PIP4K2A: variants seen among roughly 807,000 people sequenced by gnomAD.
The protein encoded by PIP4K2A is phosphatidylinositol-5-phosphate 4-kinase type 2 alpha.
PIP4K2A carries 14 observed loss-of-function variants against 42.9 expected under a neutral mutation model. The ratio of observed to expected loss-of-function variants is 0.33; its 90% CI spans 0.22 to 0.51. PIP4K2A has a LOEUF of 0.51. Among genes scored for constraint, PIP4K2A ranks in the 20% least tolerant of loss-of-function variants. The pLI is 0.97. For missense variants in PIP4K2A, 434 were observed against 519.8 expected (o/e 0.83, Z 1.61); for synonymous variants, 192 against 192.2 (o/e 1.00, Z 0.01).
chr10:22,573,451 C>T lies in PIP4K2A; in HGVS notation c.499G>A (p.Val167Met). Residue 167 changes from valine to methionine, a missense_variant, in exon 5 of 10, where the codon GTG becomes ATG. This residue lies in a region of PIP4K2A where 395 missense variants were observed against 444.5 expected (regional missense o/e 0.89). Transcript: ENST00000376573. ...NILKKYHQYI[V>M]ECHGITLLPQ... Reference sequence around the variant, plus strand: ...AGAAGGGTGATCCCATGACATTCCACTATGTACTGCATAGGAGAGAAAGAA... The same window carrying T: ...AGAAGGGTGATCCCATGACATTCCATTATGTACTGCATAGGAGAGAAAGAA... 6.2e-7 allele frequency: 1 copy of T among 1,613,278 alleles called. No homozygotes were observed. Among genetic ancestry groups the T allele is most frequent in the Non-Finnish European group, 8.5e-7 (1 of 1,179,632 alleles).
intron 6 of PIP4K2A, among the ~76,000 whole-genome samples, chr10:22,565,616 A>C (rs1836827589): frequency 6.6e-6 from 1 of 152,216 alleles, no homozygotes; most frequent in South Asian, 2.1e-4. Flanking sequence ...TGTTTGAACA[A>C]ATACGAAATC....
chr10:22,612,802 C>T (rs1046552787), intron 1 of PIP4K2A, among the ~76,000 whole-genome samples: 2 of 152,158 alleles, frequency 1.3e-5, no homozygotes, highest in Non-Finnish European at 2.9e-5. Context: ...ACTTCATGCG[C>T]TCTTGGGACA....
rs184163925 is a variant in PIP4K2A, at chr10:22,670,709, C to A, written c.144+43474G>T. On this transcript the variant is annotated intron_variant, in intron 1 of 9. Transcript: ENST00000376573. ...CATAGTATTCAAAAACAGTTCACCACACACCCTAGAAATATTTAAAAATAC... is the reference window on the plus strand; with the variant it reads ...CATAGTATTCAAAAACAGTTCACCAAACACCCTAGAAATATTTAAAAATAC... Among the ~76,000 whole-genome samples the A allele has an allele frequency of 1.3e-3, 193 of 152,320 alleles. 1 individual carries two copies. Among genetic ancestry groups the A allele is most frequent in the African/African-American group, 4.5e-3 (185 of 41,572 alleles).
intron 6 of PIP4K2A, among the ~76,000 whole-genome samples, chr10:22,554,741 CT>C (rs1318436410): frequency 6.6e-6 from 1 of 152,244 alleles, no homozygotes; most frequent in African/African-American, 2.4e-5. Context: ...GGGACGATTG[CT>C]GTACGACCCT....
At chr10:22,614,681 T>C (rs1838136459) in intron 1 of PIP4K2A, among the ~76,000 whole-genome samples, 1 of 152,232 alleles carries the variant, frequency 6.6e-6, no homozygotes, top group African/African-American at 2.4e-5. Flanking sequence ...CAACACATTT[T>C]ATTGTGTTGT....
At chr10:22,567,124 G>A (rs1836864441) in intron 6 of PIP4K2A, among the ~76,000 whole-genome samples, 1 of 152,194 alleles carries the variant, frequency 6.6e-6, no homozygotes, top group Non-Finnish European at 1.5e-5. Flanking sequence ...GTGACAAGAA[G>A]GCATAACTAA....
At chr10:22,542,739 T>C (rs1305863736) in intron 7 of PIP4K2A, among the ~76,000 whole-genome samples, 1 of 152,228 alleles carries the variant, frequency 6.6e-6, no homozygotes, top group East Asian at 1.9e-4. Flanking sequence ...TCTTTGACTT[T>C]TCAGATCACG....
intron 5 of PIP4K2A, among the ~76,000 whole-genome samples, chr10:22,569,661 GTGTGTGTGTCTGTCTGTGTC>G (rs1382371177): frequency 1.1e-4 from 16 of 152,072 alleles, no homozygotes; most frequent in Admixed American, 2.0e-4. Context: ...GTGTCTGTGT[GTGTGTGTGTCTGTCTGTGTC>G]TGTGTGTGTG....
At chr10:22,544,136 ACAT>A (rs1049427220) in intron 7 of PIP4K2A, among the ~76,000 whole-genome samples, 5 of 152,244 alleles carry the variant, frequency 3.3e-5, no homozygotes, top group Admixed American at 3.3e-4. Context: ...GGCCCTCCAC[ACAT>A]GACTCTGCGC....
chr10:22,671,101 C>A (rs560025074), intron 1 of PIP4K2A, among the ~76,000 whole-genome samples: 10 of 152,034 alleles, frequency 6.6e-5, no homozygotes, highest in Non-Finnish European at 1.2e-4. Flanking sequence ...CCAGGGAAAG[C>A]GAACATATAT....
At chr10:22,705,462 A>AG (rs71395815) in intron 1 of PIP4K2A, among the ~76,000 whole-genome samples, 1 of 135,396 alleles carries the variant, frequency 7.4e-6, no homozygotes, top group Non-Finnish European at 1.6e-5. Context: ...AAAAAAAAAA[A>AG]GGACAGAGAG....
At chr10:22,657,258 C>A (rs1254997043) in intron 1 of PIP4K2A, among the ~76,000 whole-genome samples, 1 of 152,202 alleles carries the variant, frequency 6.6e-6, no homozygotes, top group Non-Finnish European at 1.5e-5. Flanking sequence ...ACTTTTTCCT[C>A]CCTCTGCAAT....
rs552285999 is a variant in PIP4K2A at position 22,648,467 on chromosome 10, T to C, written c.145-38750A>G. 7.9e-5 allele frequency among the ~76,000 whole-genome samples: 12 copies of C among 152,364 alleles called. No individual in the cohort carries two copies. The South Asian group carries it at 2.5e-3, about 32-fold the overall frequency. ...ATTATTATTCTTCAATTTTTATGAA[T>C]GTCTTTGAAAATCTTTAACCACTTG... On this transcript the variant is annotated intron_variant, in intron 1 of 9. Transcript: ENST00000376573.
chr10:22,603,690 T>C (rs941025940), intron 3 of PIP4K2A, among the ~76,000 whole-genome samples: 4 of 152,164 alleles, frequency 2.6e-5, no homozygotes, highest in East Asian at 1.9e-4. Context: ...AACAAATACT[T>C]TGACTGGATA....
At position 22,536,904 on chromosome 10, in the gene PIP4K2A, G is replaced by A. The variant is rs1835946189; in HGVS notation, c.*297C>T. The A allele has an allele frequency of 3.4e-6, 1 of 297,306 alleles. No individual in the cohort carries two copies. Among genetic ancestry groups the A allele is most frequent in the Admixed American group, 5.0e-5 (1 of 19,950 alleles). 18.4% of individuals were successfully genotyped at this position (297,306 alleles called of 1,614,324 possible). On this transcript the variant is annotated 3_prime_UTR_variant, in exon 10 of 10. Coordinates refer to ENST00000376573, the MANE Select transcript of PIP4K2A (RefSeq NM_005028.5). ...GTTGGGACACATACTGACCGAAGTG[G>A]ATCTGTTTTAATTAATTTATGACTT...
chr10:22,687,899 G>C (rs918550971), intron 1 of PIP4K2A, among the ~76,000 whole-genome samples: 21 of 152,158 alleles, frequency 1.4e-4, no homozygotes, highest in African/African-American at 5.1e-4. Context: ...AGATACAAAG[G>C]GCCTACTTTG....
chr10:22,652,164 C>T (rs1473554643), intron 1 of PIP4K2A, among the ~76,000 whole-genome samples: 2 of 151,746 alleles, frequency 1.3e-5, no homozygotes, highest in Non-Finnish European at 2.9e-5. Flanking sequence ...GTCACCCAGG[C>T]TGGAGTGCAG....
chr10:22,540,275 C>T (rs557617807), intron 8 of PIP4K2A, among the ~76,000 whole-genome samples: 1 of 152,160 alleles, frequency 6.6e-6, no homozygotes, highest in Non-Finnish European at 1.5e-5. Context: ...GACCCAGTCC[C>T]CCTGCAATTT....
At chr10:22,650,115 T>C (rs1838962125) in intron 1 of PIP4K2A, among the ~76,000 whole-genome samples, 1 of 152,230 alleles carries the variant, frequency 6.6e-6, no homozygotes, top group Non-Finnish European at 1.5e-5. Flanking sequence ...TCTTCTAGGC[T>C]ATTCCAGAAT....
Sources: allele counts gnomAD v4.1 joint callset (sites outside exome capture counted in the v4.1 genomes callset), GRCh38; gene constraint gnomAD v4.1.1; regional missense constraint gnomAD v4.1.1; transcripts MANE v1.5; gene names NCBI Gene and HGNC (gene_info 2026-07-23, HGNC 2026-07-21).